The following DOP1B variants were observed in gnomAD, a reference collection of about 807,000 sequenced individuals.
The protein encoded by DOP1B is protein DOP1B.
In DOP1B, 174 loss-of-function variants were observed where a neutral mutation model predicts 233.5. The ratio of observed to expected loss-of-function variants is 0.75; its 90% CI spans 0.66 to 0.85. The LOEUF (loss-of-function observed/expected upper bound fraction) is 0.85. Among genes scored for constraint, DOP1B ranks in the 40% least tolerant of loss-of-function variants. The pLI, the probability that DOP1B is intolerant of heterozygous loss-of-function variation, is 0.00. For synonymous variants in DOP1B, 1,190 were observed against 1,185.6 expected (o/e 1.00, Z -0.08); for missense variants, 2,652 against 2,846.6 (o/e 0.93, Z 1.56).
rs760738793 is a variant in DOP1B, at chr21:36,246,215, C to T, written c.4235C>T (p.Ala1412Val). Reference protein sequence around the residue: ...YGLATAHHGRALPEDSLFEES... With the variant: ...YGLATAHHGRVLPEDSLFEES... ...CTGGCCACCGCCCACCACGGCAGGGCCCTGCCAGAGGACAGCCTCTTTGAG... is the reference window on the plus strand; with the variant it reads ...CTGGCCACCGCCCACCACGGCAGGGTCCTGCCAGAGGACAGCCTCTTTGAG... The change falls in exon 19 of 37, where the codon GCC (alanine) becomes GTC (valine). Residue 1412 changes from alanine (A) to valine (V), a missense_variant. Ala to Val is a moderately conservative substitution (Grantham distance 64). Transcript: ENST00000691173. This position sits in a 1 kb window ranked among gnomAD's most constrained non-coding sequence, Gnocchi z 5.1. 2 of 1,613,852 alleles carry T rather than the reference C, an allele frequency of 1.2e-6. No individual in the cohort carries two copies. The highest frequency in any genetic ancestry group is 1.1e-5 in the South Asian group (1 of 91,078).
chr21:36,261,516 C>T (rs947755970), intron 24 of DOP1B: 13 of 985,234 alleles, frequency 1.3e-5, no homozygotes, highest in East Asian at 1.1e-4. Context: ...AAGGGGATTC[C>T]GCAGGTTTTT....
chr21:36,167,940 C>CTTTT (rs869190433), intron 2 of DOP1B, among the ~76,000 whole-genome samples: 36 of 39,920 alleles, frequency 9.0e-4, no homozygotes, highest in Admixed American at 1.4e-3. Flanking sequence ...TTTTCTTTTT[C>CTTTT]TTTTTTTTTT....
chr21:36,207,499 GTTT>G (rs1164791099), intron 4 of DOP1B, among the ~76,000 whole-genome samples: 2,248 of 89,588 alleles, frequency 0.025, 48 homozygotes, highest in African/African-American at 0.1. Context: ...AGTTTTTTTT[GTTT>G]TTTTTTTTTT....
intron 24 of DOP1B, chr21:36,261,040 T>C (rs2067164127): frequency 9.1e-7 from 1 of 1,102,226 alleles, no homozygotes; most frequent in Admixed American, 5.1e-5. Context: ...AAAAACCACA[T>C]ATAGGGAAGT....
intron 2 of DOP1B, among the ~76,000 whole-genome samples, chr21:36,178,250 G>A (rs2066053813): frequency 6.6e-6 from 1 of 152,124 alleles, no homozygotes; most frequent in Admixed American, 6.6e-5. Flanking sequence ...CAGGACTTTG[G>A]GAGGCTAAGG....
chr21:36,242,560 G>A (rs1449898049), intron 18 of DOP1B, among the ~76,000 whole-genome samples: 4 of 152,092 alleles, frequency 2.6e-5, no homozygotes, highest in Middle Eastern at 3.4e-3. Flanking sequence ...TGTTCCACCC[G>A]CCTCAACCTT....
At chr21:36,222,993 G>A (rs1029830315) in intron 10 of DOP1B, among the ~76,000 whole-genome samples, 13 of 152,128 alleles carry the variant, frequency 8.5e-5, no homozygotes, top group African/African-American at 3.1e-4. Context: ...TTACAGGTGT[G>A]AGCCACCGCA....
intron 26 of DOP1B, among the ~76,000 whole-genome samples, chr21:36,267,193 A>G (rs75364031): frequency 8.9e-4 from 135 of 152,324 alleles, no homozygotes; most frequent in African/African-American, 2.9e-3. Context: ...CTCTCCAGCT[A>G]CTAACCAGAT....
In DOP1B at chr21:36,240,269, C is replaced by T. The variant is rs543504968; in HGVS notation, c.3067+314C>T. 2.6e-5 allele frequency among the ~76,000 whole-genome samples: 4 copies of T among 152,150 alleles called. No individual in the cohort carries two copies. In the East Asian group the frequency reaches 7.7e-4, roughly 29 times the overall value. On this transcript the variant is annotated intron_variant, in intron 18 of 36. Transcript: ENST00000691173. ...CTGAGGCAGGTGGATCACCTGAGGT[C>T]AGGAGTTCAAGACCAGCCTGGCCAA...
At chr21:36,199,950 C>G (rs2066342099) in intron 3 of DOP1B, among the ~76,000 whole-genome samples, 1 of 151,946 alleles carries the variant, frequency 6.6e-6, no homozygotes, top group Non-Finnish European at 1.5e-5. Context: ...GGGTATATAC[C>G]CAGTAACGGG....
intron 2 of DOP1B, among the ~76,000 whole-genome samples, chr21:36,183,215 C>T (rs1192741931): frequency 1.3e-5 from 2 of 152,134 alleles, no homozygotes; most frequent in African/African-American, 4.8e-5. Context: ...TCCTGGCCTC[C>T]CTGACTTCTG....
chr21:36,293,330 G>T lies in DOP1B; in HGVS notation c.6656G>T (p.Ser2219Ile), dbSNP rs1182583536. ...TTGTTTTTTCTGCAGGAAATCAGTA[G>T]CTCTGATGAGATCACCATGAAGAGT... is the stretch of plus-strand genomic sequence containing the variant. The part of the protein sequence containing the change: ...LLKLKFGEIS[S>I]SDEITMKSEF... Residue 2219 changes from serine to isoleucine, a missense_variant, in exon 37 of 37, where the codon AGC becomes ATC. This residue lies in a region of DOP1B where 2,617 missense variants were observed against 2,794.3 expected (regional missense o/e 0.94). Transcript: ENST00000691173. 2 of 1,614,104 alleles carry T rather than the reference G, an allele frequency of 1.2e-6. No homozygotes were observed. The highest frequency in any genetic ancestry group is 1.7e-6 in the Non-Finnish European group (2 of 1,180,008).
chr21:36,160,959 A>G (rs1163994935), intron 1 of DOP1B, among the ~76,000 whole-genome samples: 21 of 152,180 alleles, frequency 1.4e-4, no homozygotes, highest in Non-Finnish European at 2.9e-4. Flanking sequence ...ATGGAGAGCA[A>G]TTGAGTCAAC....
chr21:36,218,569 AC>A, intron 9 of DOP1B, among the ~76,000 whole-genome samples: 1 of 152,146 alleles, frequency 6.6e-6, no homozygotes, highest in Admixed American at 6.6e-5. Context: ...TACACAGGAA[AC>A]TTAGCATGAA....
At chr21:36,211,689 T>C in intron 6 of DOP1B, 38 bp downstream of exon 6, 1 of 1,595,988 alleles carries the variant, frequency 6.3e-7, no homozygotes, top group South Asian at 1.1e-5. Context: ...TCACTGGTGT[T>C]TCCCAAGGGG....
intron 2 of DOP1B, among the ~76,000 whole-genome samples, chr21:36,190,478 A>C (rs551634186): frequency 1.3e-5 from 2 of 150,536 alleles, no homozygotes; most frequent in Admixed American, 1.3e-4. Flanking sequence ...GCTCACTGCA[A>C]CCTCTGCCTC....
Position 36,212,106 on chromosome 21 carries a change from C to T in DOP1B, c.904+9C>T, listed in dbSNP as rs1403506893. ...GTATGCATGGTTACTAGGTACTGAG[C>T]AGTATACACCCTTTTAAAGTCAAAG... On this transcript the variant is annotated intron_variant, in intron 7 of 36. Transcript: ENST00000691173. 6.4e-7 allele frequency: 1 copy of T among 1,560,876 alleles called. No individual in the cohort carries two copies.
At chr21:36,225,947 GTTAC>G (rs2066677697) in intron 12 of DOP1B, among the ~76,000 whole-genome samples, 1 of 152,222 alleles carries the variant, frequency 6.6e-6, no homozygotes, top group African/African-American at 2.4e-5. Context: ...CCGTACTACA[GTTAC>G]TTTAGGGAAA....
rs79406568 is a variant in DOP1B at position 36,190,974 on chromosome 21, T to A, written c.139-8096T>A. Among the ~76,000 whole-genome samples, 791 of 152,316 alleles carry A rather than the reference T, an allele frequency of 5.2e-3. 9 individuals carry two copies. Among genetic ancestry groups the A allele is most frequent in the Non-Finnish European group, 7.8e-3 (529 of 68,034 alleles). On this transcript the variant is annotated intron_variant, in intron 2 of 36. Transcript: ENST00000691173. ...TGCCGGGAGAGGGATGACAGTGACATGTGGCCCAGTTTTTGCTCAGAGAAG... is the reference window on the plus strand; with the variant it reads ...TGCCGGGAGAGGGATGACAGTGACAAGTGGCCCAGTTTTTGCTCAGAGAAG...
Sources: allele counts gnomAD v4.1 joint callset (sites outside exome capture counted in the v4.1 genomes callset), GRCh38; gene constraint gnomAD v4.1.1; regional missense constraint gnomAD v4.1.1; non-coding constraint Gnocchi (gnomAD v3.1); transcripts MANE v1.5; gene names NCBI Gene and HGNC (gene_info 2026-07-23, HGNC 2026-07-21).